Variants in PRIM2 observed in about 807,000 individuals in gnomAD.
PRIM2 encodes the protein DNA primase large subunit.
In PRIM2, 39 loss-of-function variants were observed where a neutral mutation model predicts 67.3. The ratio of observed to expected loss-of-function variants is 0.58; its 90% CI spans 0.45 to 0.76. PRIM2 has a LOEUF of 0.76. Ranked by LOEUF, PRIM2 falls within the 30% of genes least tolerant of loss-of-function variation. PRIM2 has a pLI of 0.00. For missense variants in PRIM2, 398 were observed against 598.7 expected (o/e 0.66, Z 3.50); for synonymous variants, 143 against 198.7 (o/e 0.72, Z 2.36).
chr6:57,343,608 C>A (rs1244208158), intron 5 of PRIM2, among the ~76,000 whole-genome samples: 1 of 151,866 alleles, frequency 6.6e-6, no homozygotes, highest in Non-Finnish European at 1.5e-5. Context: ...GGGCTTCTGG[C>A]AAGCCGTTGA....
At chr6:57,466,539 T>C (rs1193963568) in intron 7 of PRIM2, among the ~76,000 whole-genome samples, 1 of 152,236 alleles carries the variant, frequency 6.6e-6, no homozygotes, top group Non-Finnish European at 1.5e-5. Context: ...TGGTATCCCA[T>C]TGTGGTTTTG....
the PRIM2 span, among the ~76,000 whole-genome samples, chr6:57,269,294 T>A: frequency 2.6e-5 from 4 of 152,220 alleles, no homozygotes; most frequent in South Asian, 6.2e-4. Flanking sequence ...CTCCAGCACC[T>A]GTTGTCTCCT....
intron 8 of PRIM2, among the ~76,000 whole-genome samples, chr6:57,517,860 T>C (rs1366107468): frequency 3.9e-5 from 6 of 152,128 alleles, no homozygotes; most frequent in Non-Finnish European, 7.3e-5. Flanking sequence ...GGAAGAGGAA[T>C]ACTTGAAGCT....
At chr6:57,259,214 T>C in the PRIM2 span, among the ~76,000 whole-genome samples, 2 of 152,190 alleles carry the variant, frequency 1.3e-5, no homozygotes, top group African/African-American at 4.8e-5. Flanking sequence ...ATTGACTTGC[T>C]ATCAATGCAT....
At chr6:57,390,424 G>C (rs1770297440) in intron 7 of PRIM2, among the ~76,000 whole-genome samples, 1 of 151,898 alleles carries the variant, frequency 6.6e-6, no homozygotes, top group African/African-American at 2.4e-5. Flanking sequence ...GGGTACATGC[G>C]AAGGTTTGTT....
chr6:57,316,730 A>G (rs950028396), upstream of PRIM2, among the ~76,000 whole-genome samples: 1 of 152,252 alleles, frequency 6.6e-6, no homozygotes, highest in Non-Finnish European at 1.5e-5. Flanking sequence ...AAAATCTTAC[A>G]GACAGCGGAG....
At chr6:57,362,588 G>GA (rs906551019) in intron 5 of PRIM2, among the ~76,000 whole-genome samples, 5 of 152,152 alleles carry the variant, frequency 3.3e-5, no homozygotes, top group African/African-American at 1.2e-4. Context: ...AAATGTCCAA[G>GA]ATGCTGCATG....
intron 7 of PRIM2, among the ~76,000 whole-genome samples, chr6:57,416,464 G>A (rs534286559): frequency 6.6e-6 from 1 of 152,132 alleles, no homozygotes; most frequent in Admixed American, 6.5e-5. Flanking sequence ...TTTTCAGAAT[G>A]GTAAATGAGC....
intron 7 of PRIM2, among the ~76,000 whole-genome samples, chr6:57,441,301 T>A (rs1329933999): frequency 6.6e-6 from 1 of 152,236 alleles, no homozygotes; most frequent in Non-Finnish European, 1.5e-5. Context: ...AGACCTTTTT[T>A]CCCCGCTAGC....
chr6:57,268,984 T>G, the PRIM2 span, among the ~76,000 whole-genome samples: 1 of 151,680 alleles, frequency 6.6e-6, no homozygotes, highest in African/African-American at 2.4e-5. Flanking sequence ...TATGGCTGCA[T>G]AGTATTCCAT....
chr6:57,348,013 G>A (rs1356372091), intron 5 of PRIM2, among the ~76,000 whole-genome samples: 1 of 152,080 alleles, frequency 6.6e-6, no homozygotes, highest in East Asian at 1.9e-4. Context: ...GGAAATTAAA[G>A]CATTAACTAT....
chr6:57,323,634 G>T (rs146590980), intron 3 of PRIM2, among the ~76,000 whole-genome samples: 2 of 152,132 alleles, frequency 1.3e-5, no homozygotes, highest in African/African-American at 4.8e-5. Context: ...AGGGGGTTGG[G>T]GTCAAGGGGA....
At chr6:57,300,788 C>T in the PRIM2 span, among the ~76,000 whole-genome samples, 4,848 of 152,034 alleles carry the variant, frequency 0.032, 257 homozygotes, top group African/African-American at 0.11. Context: ...TTTGGGAGGC[C>T]GAGGCAGGCG....
chr6:57,521,044 G>A (rs1774609297), intron 8 of PRIM2, among the ~76,000 whole-genome samples: 1 of 152,158 alleles, frequency 6.6e-6, no homozygotes, highest in Admixed American at 6.5e-5. Context: ...TAAAATTTAT[G>A]CTTGTGGAAA....
intron 5 of PRIM2, among the ~76,000 whole-genome samples, chr6:57,329,759 C>A (rs1767992126): frequency 6.6e-6 from 1 of 152,284 alleles, no homozygotes; most frequent in Middle Eastern, 3.4e-3. Context: ...ATAAATTACC[C>A]AGTCTCAGGC....
At chr6:57,373,909 G>A (rs1443467315) in intron 5 of PRIM2, among the ~76,000 whole-genome samples, 1 of 152,026 alleles carries the variant, frequency 6.6e-6, no homozygotes. Flanking sequence ...TTTTTGCTTA[G>A]GGTTGTCTTG....
chr6:57,570,034 C>T (rs1369012975), intron 10 of PRIM2, among the ~76,000 whole-genome samples: 2 of 152,176 alleles, frequency 1.3e-5, no homozygotes, highest in Non-Finnish European at 2.9e-5. Context: ...GCCACCACGC[C>T]CTGCCACTTT....
At chr6:57,321,758 C>G (rs527858999) in intron 3 of PRIM2, among the ~76,000 whole-genome samples, 6 of 152,244 alleles carry the variant, frequency 3.9e-5, no homozygotes, top group Admixed American at 1.3e-4. Context: ...TATATTAACC[C>G]ATGTATGTAA....
intron 5 of PRIM2, among the ~76,000 whole-genome samples, chr6:57,344,623 A>C (rs1430988865): frequency 1.3e-5 from 2 of 152,232 alleles, no homozygotes; most frequent in African/African-American, 4.8e-5. Flanking sequence ...TTATTATGGA[A>C]GCCAACCTGG....
Sources: gnomAD v4.1 joint callset for allele counts (sites outside exome capture counted in the v4.1 genomes callset) on GRCh38, gnomAD v4.1.1 for gene constraint, MANE v1.5 for transcripts, NCBI Gene and HGNC (gene_info 2026-07-23, HGNC 2026-07-21) for gene names.